AGBL1: variants seen among roughly 807,000 people sequenced by gnomAD.
AGBL1 encodes AGBL carboxypeptidase 1.
A neutral mutation model predicts 118.9 loss-of-function variants in AGBL1; 130 were observed. The ratio of observed to expected loss-of-function variants is 1.09; its 90% confidence interval spans 0.95 to 1.26. AGBL1 has a LOEUF of 1.26. Ranked by LOEUF, AGBL1 falls within the 50% of genes most tolerant of loss-of-function variation. AGBL1 has a pLI of 0.00. For missense variants in AGBL1, 1,584 were observed against 1,298.1 expected, an observed-to-expected ratio of 1.22 and a Z score of -3.38; for synonymous variants, 555 against 478.9, an observed-to-expected ratio of 1.16 and a Z score of -2.08.
At chr15:86,851,505 C>T (rs190651179) in intron 22 of AGBL1, among the ~76,000 whole-genome samples, 8 of 152,210 alleles carry the variant, frequency 5.3e-5, no homozygotes, top group Admixed American at 1.3e-4. Flanking sequence ...TATATCAAAC[C>T]CATTCAGTGG....
chr15:86,216,588 C>A (rs1396403092), intron 5 of AGBL1, among the ~76,000 whole-genome samples: 1 of 152,050 alleles, frequency 6.6e-6, no homozygotes, highest in East Asian at 1.9e-4. Context: ...GATGTCAAAC[C>A]AACCCTGCAT....
At position 86,522,863 on chromosome 15, in the gene AGBL1, G is replaced by C. The variant is rs201523870; in HGVS notation, c.2609G>C (p.Ser870Thr). 1.0e-4 allele frequency: 163 copies of C among 1,613,916 alleles called. No individual in the cohort carries two copies. Among genetic ancestry groups the C allele is most frequent in the Non-Finnish European group, 5.1e-6 (6 of 1,179,804 alleles). Reference sequence around the variant, plus strand: ...TTGAACAGACAATGGCTTTCTCCCAGTGCTCATCTGCAGCCAACCATTTAC... The same window carrying C: ...TTGAACAGACAATGGCTTTCTCCCACTGCTCATCTGCAGCCAACCATTTAC... ...EDLNRQWLSP[S>T]AHLQPTIYHA... Residue 870 changes from serine to threonine, a missense_variant, in exon 19 of 23, where the codon AGT becomes ACT. Ser to Thr is a moderately conservative substitution (Grantham distance 58). Coordinates refer to ENST00000614907, the MANE Select transcript of AGBL1 (RefSeq NM_001386094.1).
At chr15:86,960,633 A>G (rs1339979699) in intron 23 of AGBL1, among the ~76,000 whole-genome samples, 3 of 151,988 alleles carry the variant, frequency 2.0e-5, no homozygotes, top group Non-Finnish European at 2.9e-5. Context: ...CCCCCCCAAA[A>G]AGAAAGAAAA....
chr15:86,378,414 T>TG (rs1016170579), intron 17 of AGBL1, among the ~76,000 whole-genome samples: 6 of 152,108 alleles, frequency 3.9e-5, no homozygotes, highest in Non-Finnish European at 1.5e-5. Flanking sequence ...CACTTTCTTT[T>TG]GGGGGTCTGT....
At chr15:86,710,075 A>T (rs2086528028) in intron 22 of AGBL1, among the ~76,000 whole-genome samples, 1 of 152,142 alleles carries the variant, frequency 6.6e-6, no homozygotes, top group Non-Finnish European at 1.5e-5. Context: ...GATAATTTGG[A>T]GGGGATGTGC....
At chr15:86,803,127 G>A (rs1453129615) in intron 22 of AGBL1, among the ~76,000 whole-genome samples, 2 of 152,104 alleles carry the variant, frequency 1.3e-5, no homozygotes, top group South Asian at 2.1e-4. Context: ...ATCATGTATA[G>A]CACTGACATG....
intron 23 of AGBL1, among the ~76,000 whole-genome samples, chr15:86,949,230 C>A (rs183279989): frequency 2.0e-5 from 3 of 152,108 alleles, no homozygotes; most frequent in Non-Finnish European, 1.5e-5. Context: ...TTGCAGCAGA[C>A]CCATGTTCCT....
At chr15:86,203,166 A>G (rs2077935176) in intron 5 of AGBL1, among the ~76,000 whole-genome samples, 1 of 152,214 alleles carries the variant, frequency 6.6e-6, no homozygotes, top group South Asian at 2.1e-4. Flanking sequence ...TGAGATGCTG[A>G]GGGGAATCCA....
intron 17 of AGBL1, among the ~76,000 whole-genome samples, chr15:86,385,108 A>C (rs902546797): frequency 3.3e-5 from 5 of 152,144 alleles, no homozygotes; most frequent in Admixed American, 3.3e-4. Context: ...TCTGTGCTGC[A>C]AGTATAAAGT....
At position 86,554,370 on chromosome 15, in the gene AGBL1, A is replaced by C. The variant is rs1328719340; in HGVS notation, c.2827A>C (p.Lys943Gln). 6.3e-7 allele frequency: 1 copy of C among 1,578,066 alleles called. No individual in the cohort carries two copies. The highest frequency in any genetic ancestry group is 1.3e-5 in the African/African-American group (1 of 74,300). ...LEEVNYRTLP[K>Q]ILDKLAPAFT... is the part of the protein sequence containing the mutation. Reference sequence around the variant, plus strand: ...TTTGTTTTTACTGTAGACTCTTCCCAAAATCCTTGATAAGCTAGCACCAGC... The same window carrying C: ...TTTGTTTTTACTGTAGACTCTTCCCCAAATCCTTGATAAGCTAGCACCAGC... Residue 943 changes from lysine to glutamine, a missense_variant, in exon 21 of 23, where the codon AAA (lysine) becomes CAA (glutamine). Coordinates refer to ENST00000614907, the MANE Select transcript of AGBL1 (RefSeq NM_001386094.1).
At chr15:86,603,989 C>T (rs1297561124) in intron 21 of AGBL1, among the ~76,000 whole-genome samples, 2 of 152,120 alleles carry the variant, frequency 1.3e-5, no homozygotes, top group East Asian at 3.9e-4. Context: ...ATTGAGCCAT[C>T]CCCAAATATT....
At chr15:86,342,572 T>A (rs1032590897) in intron 17 of AGBL1, among the ~76,000 whole-genome samples, 1 of 152,156 alleles carries the variant, frequency 6.6e-6, no homozygotes, top group Non-Finnish European at 1.5e-5. Context: ...TTACTAAGCA[T>A]TGTACAGATT....
rs533887866 is a variant in AGBL1 at position 86,325,651 on chromosome 15, A to C, written c.2374+30243A>C. Among the ~76,000 whole-genome samples, 9 of 152,316 alleles carry C rather than the reference A, an allele frequency of 5.9e-5. No homozygotes were observed. In the South Asian group the frequency reaches 1.9e-3, roughly 32 times the overall value. ...CACAGCCCAATCAATATCTGCCGGC[A>C]CAGCCATCTTCCATCCCCCTAGCAA... On this transcript the variant is annotated intron_variant, in intron 17 of 22. Coordinates refer to ENST00000614907, the MANE Select transcript of AGBL1 (RefSeq NM_001386094.1).
intron 23 of AGBL1, chr15:86,932,771 A>G (rs945632352): frequency 6.6e-6 from 1 of 152,246 alleles, no homozygotes; most frequent in African/African-American, 2.4e-5. Context: ...GGCAGAAATT[A>G]ACCTTTTATG....
At chr15:86,862,755 A>G (rs1043733487) in intron 22 of AGBL1, among the ~76,000 whole-genome samples, 1 of 152,156 alleles carries the variant, frequency 6.6e-6, no homozygotes, top group African/African-American at 2.4e-5. Flanking sequence ...ATACAAAAAC[A>G]AAGTTCTTTT....
At chr15:86,707,298 T>C (rs1010576864) in intron 22 of AGBL1, among the ~76,000 whole-genome samples, 3 of 152,182 alleles carry the variant, frequency 2.0e-5, no homozygotes, top group Admixed American at 1.3e-4. Context: ...TCCAGGTATA[T>C]AGTCAGTTAT....
intron 24 of AGBL1, among the ~76,000 whole-genome samples, chr15:87,005,221 AT>A (rs1230490489): frequency 6.6e-6 from 1 of 152,094 alleles, no homozygotes; most frequent in African/African-American, 2.4e-5. Context: ...TCTTTCCTGA[AT>A]TTGAATGTTG....
chr15:86,765,029 A>C (rs1267689838), intron 22 of AGBL1, among the ~76,000 whole-genome samples: 1 of 151,982 alleles, frequency 6.6e-6, no homozygotes, highest in African/African-American at 2.4e-5. Flanking sequence ...GAGAAACCAG[A>C]GGGAGAAGAA....
chr15:86,194,975 T>C (rs2077778385), intron 5 of AGBL1, among the ~76,000 whole-genome samples: 1 of 152,216 alleles, frequency 6.6e-6, no homozygotes, highest in African/African-American at 2.4e-5. Flanking sequence ...TATTTTATGA[T>C]GGGTATAAAT....
Sources: allele counts gnomAD v4.1 joint callset (sites outside exome capture counted in the v4.1 genomes callset), GRCh38; gene constraint gnomAD v4.1.1; transcripts MANE v1.5; gene names NCBI Gene and HGNC (gene_info 2026-07-23, HGNC 2026-07-21).